The following SPHKAP variants were observed in gnomAD, a reference collection of about 807,000 sequenced individuals.
The protein encoded by SPHKAP is SPHK1 interactor, AKAP domain containing.
In SPHKAP, 67 loss-of-function variants were observed where a neutral mutation model predicts 137.5. That is an observed-to-expected ratio of 0.49 (90% CI 0.40 to 0.60). The LOEUF is 0.60. SPHKAP is among the 20% of genes least tolerant of loss of function. The pLI, the probability that SPHKAP is intolerant of heterozygous loss-of-function variation, is 0.00. For synonymous variants in SPHKAP, 813 were observed against 785.3 expected, an observed-to-expected ratio of 1.04 and a Z score of -0.59; for missense variants, 2,097 against 2,069.3, an observed-to-expected ratio of 1.01 and a Z score of -0.26.
chr2:228,141,532 G>A (rs763519281), intron 1 of SPHKAP, among the ~76,000 whole-genome samples: 4 of 151,964 alleles, frequency 2.6e-5, no homozygotes, highest in Admixed American at 6.6e-5. Flanking sequence ...TTATTATAGT[G>A]GCACTTTTCT....
In SPHKAP at chr2:228,018,563, T is replaced by A; in HGVS notation, c.2291A>T (p.Lys764Ile). 1 of 1,613,832 alleles carries A rather than the reference T, an allele frequency of 6.2e-7. No homozygotes were observed. Among genetic ancestry groups the A allele is most frequent in the East Asian group, 2.2e-5 (1 of 44,862 alleles). Residue 764 changes from lysine (K) to isoleucine (I), a missense_variant, in exon 7 of 12, where the codon AAA (lysine) becomes ATA (isoleucine). Coordinates refer to ENST00000392056, the MANE Select transcript of SPHKAP (RefSeq NM_001142644.2). ...SDPGASQAWT[K>I]ATESSSSSPL... Reference sequence around the variant, plus strand: ...AGAGCTGCTGGAGGATTCAGTGGCTTTTGTCCAAGCTTGACTAGCACCCGG... The same window carrying A: ...AGAGCTGCTGGAGGATTCAGTGGCTATTGTCCAAGCTTGACTAGCACCCGG...
chr2:228,173,697 A>G (rs1459927169), intron 1 of SPHKAP, among the ~76,000 whole-genome samples: 1 of 152,192 alleles, frequency 6.6e-6, no homozygotes, highest in Non-Finnish European at 1.5e-5. Flanking sequence ...CCTTGATTTT[A>G]TCCCAGTGAG....
chr2:228,100,398 CCTTGT>C (rs1207190197), intron 3 of SPHKAP, among the ~76,000 whole-genome samples: 1 of 152,076 alleles, frequency 6.6e-6, no homozygotes, highest in African/African-American at 2.4e-5. Flanking sequence ...GATTGGACAT[CCTTGT>C]CTTGTTTGTC....
At chr2:228,033,558 C>G (rs1373792593) in intron 3 of SPHKAP, among the ~76,000 whole-genome samples, 1 of 152,172 alleles carries the variant, frequency 6.6e-6, no homozygotes, top group Admixed American at 6.5e-5. Flanking sequence ...GTCTCCACCC[C>G]AAATCAATAG....
chr2:228,020,740 A>G (rs1283645075), intron 6 of SPHKAP, among the ~76,000 whole-genome samples: 5 of 152,232 alleles, frequency 3.3e-5, no homozygotes, highest in African/African-American at 1.2e-4. Context: ...ATAAATAAAA[A>G]TAAAGCATTG....
intron 3 of SPHKAP, among the ~76,000 whole-genome samples, chr2:228,077,563 G>A (rs949515136): frequency 7.9e-5 from 12 of 152,324 alleles, no homozygotes; most frequent in African/African-American, 2.9e-4. Context: ...TAGCCCCTTT[G>A]TTTTGGCCAA....
intron 3 of SPHKAP, among the ~76,000 whole-genome samples, chr2:228,058,928 A>T (rs1696542421): frequency 6.6e-6 from 1 of 152,182 alleles, no homozygotes; most frequent in South Asian, 2.1e-4. Flanking sequence ...GAATTCTCTG[A>T]TGCTTGCCTT....
chr2:228,106,235 C>A (rs529956683), intron 3 of SPHKAP, among the ~76,000 whole-genome samples: 2 of 152,272 alleles, frequency 1.3e-5, no homozygotes, highest in East Asian at 3.9e-4. Flanking sequence ...AACTTTGCTA[C>A]CTCTAACATA....
intron 3 of SPHKAP, among the ~76,000 whole-genome samples, chr2:228,088,868 C>A (rs1697625342): frequency 6.6e-6 from 1 of 152,288 alleles, no homozygotes; most frequent in Admixed American, 6.5e-5. Flanking sequence ...TCCTGTACAG[C>A]CTATAGAAAT....
chr2:228,159,392 C>G (rs1265603398), intron 1 of SPHKAP, among the ~76,000 whole-genome samples: 1 of 152,076 alleles, frequency 6.6e-6, no homozygotes, highest in Non-Finnish European at 1.5e-5. Flanking sequence ...GAAAAGTAAA[C>G]TTTCTCGTAT....
chr2:227,995,573 C>T lies in SPHKAP; in HGVS notation c.4570G>A (p.Ala1524Thr), dbSNP rs1693607338. ...TCATCTGGGTTGTCTTCCTCATTGG[C>T]AAGCTGGGTCCAGCTGCCTGTGCTC... is the stretch of plus-strand genomic sequence containing the variant. ...EESTGSWTQLANEEDNPDDTS... is the reference protein window; with the variant it reads ...EESTGSWTQLTNEEDNPDDTS... The change falls in exon 8 of 12, where the codon GCC becomes ACC. Residue 1524 changes from alanine to threonine, a missense_variant. Coordinates refer to ENST00000392056, the MANE Select transcript of SPHKAP (RefSeq NM_001142644.2). 5.0e-6 allele frequency: 8 copies of T among 1,614,124 alleles called. No homozygotes were observed. Among genetic ancestry groups the T allele is most frequent in the South Asian group, 1.1e-5 (1 of 91,072 alleles).
rs34166785 is a variant in SPHKAP, at chr2:228,117,830, CT to C, written c.139-8892del. On this transcript the variant is annotated intron_variant, in intron 2 of 11. Transcript: ENST00000392056. ...CAACTGATCTGATTTCTTTCCTTTC[CT>C]TTTTTTTTTTTTTTCTGTAGAAGGT... is the stretch of plus-strand genomic sequence containing the variant. Among the ~76,000 whole-genome samples the C allele has an allele frequency of 6.2e-3, 864 of 138,254 alleles. 5 individuals are homozygous for C. The highest frequency in any genetic ancestry group is 0.012 in the African/African-American group (442 of 37,588). The allele number at this position is 138,254 out of a possible 152,430, so 90.7% of individuals were successfully genotyped here.
At chr2:228,077,683 C>T (rs764413652) in intron 3 of SPHKAP, among the ~76,000 whole-genome samples, 8 of 152,134 alleles carry the variant, frequency 5.3e-5, no homozygotes, top group Non-Finnish European at 1.0e-4. Flanking sequence ...AGGGGATTTG[C>T]CCTGTCTCAG....
intron 3 of SPHKAP, among the ~76,000 whole-genome samples, chr2:228,076,012 G>GA (rs1697170229): frequency 6.6e-6 from 1 of 152,068 alleles, no homozygotes; most frequent in Admixed American, 6.6e-5. Flanking sequence ...GAATTATGGG[G>GA]GCAGGTCTTT....
chr2:228,179,753 G>A (rs967823531), intron 1 of SPHKAP, among the ~76,000 whole-genome samples: 1 of 152,126 alleles, frequency 6.6e-6, no homozygotes, highest in African/African-American at 2.4e-5. Flanking sequence ...TCTTTATAAG[G>A]TCATTTTATA....
chr2:228,037,581 A>G (rs545055831), intron 3 of SPHKAP, among the ~76,000 whole-genome samples: 122 of 152,302 alleles, frequency 8.0e-4, no homozygotes, highest in Admixed American at 1.2e-3. Context: ...CTGAAGCTAC[A>G]TAAATATATC....
In SPHKAP at chr2:228,103,138, ACT is replaced by A. The variant is rs150675552; in HGVS notation, c.246+5692_246+5693del. Among the ~76,000 whole-genome samples, 118 of 151,938 alleles carry A rather than the reference ACT, an allele frequency of 7.8e-4. 1 individual carries two copies. The East Asian group carries it at 0.02, about 26-fold the overall frequency. Reference sequence around the variant, plus strand: ...AGTCACCTGGCTGCTGTGATGAGTGACTCTCTTCTCCACCGATGTTCTGTGTC... The same window carrying A: ...AGTCACCTGGCTGCTGTGATGAGTGACTCTTCTCCACCGATGTTCTGTGTC... On this transcript the variant is annotated intron_variant, in intron 3 of 11. Transcript: ENST00000392056.
intron 2 of SPHKAP, among the ~76,000 whole-genome samples, chr2:228,109,164 T>C (rs940306079): frequency 1.3e-5 from 2 of 152,196 alleles, no homozygotes; most frequent in African/African-American, 2.4e-5. Flanking sequence ...TTAACACAGA[T>C]GTTCTCTCAT....
intron 3 of SPHKAP, among the ~76,000 whole-genome samples, chr2:228,074,713 A>G (rs527289582): frequency 6.6e-6 from 1 of 152,288 alleles, no homozygotes; most frequent in South Asian, 2.1e-4. Context: ...TACACCCTTC[A>G]TAGTTTGTAA....
Sources: gnomAD v4.1 joint callset for allele counts (sites outside exome capture counted in the v4.1 genomes callset) on GRCh38, gnomAD v4.1.1 for gene constraint, MANE v1.5 for transcripts, NCBI Gene and HGNC (gene_info 2026-07-23, HGNC 2026-07-21) for gene names.